Variants in HDLBP observed in about 807,000 individuals in gnomAD.
The protein encoded by HDLBP is high density lipoprotein binding protein.
HDLBP carries 30 observed loss-of-function variants against 137.3 expected under a neutral mutation model. The observed-to-expected ratio is 0.22, with a 90% CI of 0.16 to 0.30. HDLBP has a LOEUF of 0.30. HDLBP is among the 10% of genes least tolerant of loss of function. The pLI is 1.00. For missense variants in HDLBP, 1,119 were observed against 1,667.3 expected (o/e 0.67, Z 5.73); for synonymous variants, 606 against 596.0 (o/e 1.02, Z -0.24).
rs1383275198 is a variant in HDLBP, at chr2:241,248,283, C to T, written c.1578G>A (p.Lys526=). The change falls in exon 13 of 28, where the codon AAG becomes AAA. Residue 526 remains lysine, a synonymous_variant. Transcript: ENST00000310931. ...QRFHRTIIGQ[K]GERIREIRDK... ...CACGAATTTCACGGATCCGTTCACC[C>T]TTCTGCCCAATGATTGTGCGATGAA... The T allele has an allele frequency of 6.2e-7, 1 of 1,614,132 alleles. No individual in the cohort carries two copies. Among genetic ancestry groups the T allele is most frequent in the Non-Finnish European group, 8.5e-7 (1 of 1,179,972 alleles).
chr2:241,242,303 A>T (rs2071318223), intron 17 of HDLBP, among the ~76,000 whole-genome samples, 157 bp downstream of exon 17: 1 of 151,744 alleles, frequency 6.6e-6, no homozygotes, highest in Admixed American at 6.6e-5. Context: ...GCCCTCCAGT[A>T]ACAGCAAAAA....
At chr2:241,231,032 C>T (rs1239844710) in intron 24 of HDLBP, 88 bp from the exon 25 acceptor site, 9 of 1,156,544 alleles carry the variant, frequency 7.8e-6, no homozygotes, top group Admixed American at 3.7e-5. Flanking sequence ...CTGAGGAAAA[C>T]AGCTCAGGAG....
In HDLBP at chr2:241,236,766, T is replaced by C. The variant is rs61757693; in HGVS notation, c.2753A>G (p.His918Arg). The change falls in exon 21 of 28, where the codon CAC becomes CGC. Residue 918 changes from histidine (H) to arginine (R), a missense_variant. Transcript: ENST00000310931. Reference protein sequence around the residue: ...KFPDREENAVHSTEPVVQENG... With the variant: ...KFPDREENAVRSTEPVVQENG... The stretch of plus-strand genomic sequence containing the variant: ...CTCCTGGACAACTGGCTCTGTACTG[T>C]GAACTAGAGAGAAAGGGGAAAAGGG... The C allele has an allele frequency of 1.2e-6, 2 of 1,613,776 alleles. No individual in the cohort carries two copies. Among genetic ancestry groups the C allele is most frequent in the Non-Finnish European group, 8.5e-7 (1 of 1,179,856 alleles).
At position 241,257,082 on chromosome 2, in the gene HDLBP, C is replaced by T. The variant is rs995645215; in HGVS notation, c.451-276G>A. Among the ~76,000 whole-genome samples, 5 of 152,136 alleles carry T rather than the reference C, an allele frequency of 3.3e-5. No homozygotes were observed. The East Asian group carries it at 7.7e-4, about 23-fold the overall frequency. On this transcript the variant is annotated intron_variant, in intron 5 of 27. Transcript: ENST00000310931. ...AGACAAGAGTTAACATCCACAAAAGCTGGACAGGAAGAAGCATGACTGCAT... is the reference window on the plus strand; with the variant it reads ...AGACAAGAGTTAACATCCACAAAAGTTGGACAGGAAGAAGCATGACTGCAT...
At chr2:241,243,452 A>C (rs529575499) in intron 16 of HDLBP, 1 of 152,528 alleles carries the variant, frequency 6.6e-6, no homozygotes, top group South Asian at 2.1e-4. Flanking sequence ...AGACACCAGG[A>C]AACAGTGCTT....
At chr2:241,302,290 A>C (rs1477793640) in intron 1 of HDLBP, among the ~76,000 whole-genome samples, 2 of 152,050 alleles carry the variant, frequency 1.3e-5, no homozygotes, top group East Asian at 3.9e-4. Flanking sequence ...TAGGTGGTTC[A>C]CACCTGTAAT....
At chr2:241,304,538 T>G (rs2075505626) in intron 1 of HDLBP, among the ~76,000 whole-genome samples, 1 of 152,266 alleles carries the variant, frequency 6.6e-6, no homozygotes, top group South Asian at 2.1e-4. Context: ...CGTGAGTGCC[T>G]AAATGGCTTT....
intron 1 of HDLBP, among the ~76,000 whole-genome samples, chr2:241,285,191 TTTAAA>T (rs1449585202): frequency 6.6e-6 from 1 of 152,234 alleles, no homozygotes; most frequent in Non-Finnish European, 1.5e-5. Flanking sequence ...TAACCATTAT[TTTAAA>T]TTAAAGTATA....
chr2:241,315,532 A>C (rs2149758765), intron 1 of HDLBP, 38 bp downstream of exon 1: 2 of 151,012 alleles, frequency 1.3e-5, no homozygotes, highest in East Asian at 2.0e-4. Flanking sequence ...CCTTCCCCCC[A>C]CTCCAGTTAC....
At chr2:241,306,015 C>T (rs1356635243) in intron 1 of HDLBP, among the ~76,000 whole-genome samples, 2 of 152,098 alleles carry the variant, frequency 1.3e-5, no homozygotes, top group African/African-American at 4.8e-5. Flanking sequence ...CCACCTCAGC[C>T]TCCCAAAGTG....
intron 1 of HDLBP, among the ~76,000 whole-genome samples, chr2:241,276,091 GAC>G (rs1284531858): frequency 1.3e-5 from 2 of 152,044 alleles, no homozygotes; most frequent in Non-Finnish European, 2.9e-5. Context: ...TAAAATAAAA[GAC>G]AGAATTAAAA....
At chr2:241,253,305 G>T in intron 10 of HDLBP, 88 bp downstream of exon 10, 1 of 899,740 alleles carries the variant, frequency 1.1e-6, no homozygotes, top group Non-Finnish European at 1.9e-6. Flanking sequence ...GCCCGGACAT[G>T]TGGGATGTCA....
chr2:241,277,802 A>C (rs2074446058), intron 1 of HDLBP, among the ~76,000 whole-genome samples: 1 of 152,154 alleles, frequency 6.6e-6, no homozygotes, highest in Non-Finnish European at 1.5e-5. Flanking sequence ...TCTCTACTAA[A>C]AATGCAAAAT....
At chr2:241,282,697 G>A (rs371079316) in intron 1 of HDLBP, among the ~76,000 whole-genome samples, 3 of 152,164 alleles carry the variant, frequency 2.0e-5, no homozygotes, top group South Asian at 2.1e-4. Flanking sequence ...AATCCTTGAT[G>A]TTACTACTGT....
At position 241,240,852 on chromosome 2, in the gene HDLBP, G is replaced by A. The variant is rs1001474048; in HGVS notation, c.2170-730C>T. Among the ~76,000 whole-genome samples the A allele has an allele frequency of 2.6e-5, 4 of 152,122 alleles. No homozygotes were observed. The highest frequency in any genetic ancestry group is 6.5e-5 in the Admixed American group (1 of 15,268). On this transcript the variant is annotated intron_variant, in intron 17 of 27. Coordinates refer to ENST00000310931, the MANE Select transcript of HDLBP (RefSeq NM_005336.6). This position sits in a 1 kb window ranked among gnomAD's most constrained non-coding sequence, Gnocchi z 5.5. ...GGCCCCGAGAAGGGCGCTGCTCCAC[G>A]GGACTCAGGTCCACACGGGGAGCTC...
rs749371195 is a variant in HDLBP at position 241,230,500 on chromosome 2, G to A, written c.3475-231C>T. ...CAGCACGTACTGTGCGCTCTTGCAT[G>A]AAATTCCCACCCACAGAGGACGAGC... On this transcript the variant is annotated intron_variant, in intron 25 of 27. Transcript: ENST00000310931. This position sits in a 1 kb window ranked among gnomAD's most constrained non-coding sequence, Gnocchi z 5.0. 1.3e-5 allele frequency among the ~76,000 whole-genome samples: 2 copies of A among 152,236 alleles called. No individual in the cohort carries two copies. Among genetic ancestry groups the A allele is most frequent in the African/African-American group, 2.4e-5 (1 of 41,456 alleles).
At chr2:241,290,969 C>T (rs2074997210) in intron 1 of HDLBP, among the ~76,000 whole-genome samples, 1 of 152,142 alleles carries the variant, frequency 6.6e-6, no homozygotes, top group African/African-American at 2.4e-5. Flanking sequence ...CACTACACGC[C>T]TCTGAAAGTG....
At chr2:241,295,076 T>C (rs1036387289) in intron 1 of HDLBP, among the ~76,000 whole-genome samples, 6 of 152,142 alleles carry the variant, frequency 3.9e-5, no homozygotes, top group Non-Finnish European at 5.9e-5. Flanking sequence ...CACTCCAGCC[T>C]GGGCGACAGA....
chr2:241,291,787 T>C (rs1238579007), intron 1 of HDLBP, among the ~76,000 whole-genome samples: 1 of 152,194 alleles, frequency 6.6e-6, no homozygotes, highest in Non-Finnish European at 1.5e-5. Context: ...TTGGATTATA[T>C]GGGTGGGACG....
Sources: allele counts gnomAD v4.1 joint callset (sites outside exome capture counted in the v4.1 genomes callset), GRCh38; gene constraint gnomAD v4.1.1; non-coding constraint Gnocchi (gnomAD v3.1); transcripts MANE v1.5; gene names NCBI Gene and HGNC (gene_info 2026-07-23, HGNC 2026-07-21).